Variants in TRPV6 observed in about 807,000 individuals in gnomAD.
TRPV6 encodes the protein Alu-binding protein with zinc finger domain.
In TRPV6, 39 loss-of-function variants were observed where a neutral mutation model predicts 79.0. The ratio of observed to expected loss-of-function variants is 0.49; its 90% CI spans 0.38 to 0.64. The LOEUF (loss-of-function observed/expected upper bound fraction) is 0.64. TRPV6 is among the 30% of genes least tolerant of loss of function. The probability of loss-of-function intolerance (pLI) is 0.00; values close to 1 mark genes in which losing one functional copy is unlikely to be tolerated. For synonymous variants in TRPV6, 373 were observed against 391.9 expected (o/e 0.95, Z 0.57); for missense variants, 813 against 1,011.1 (o/e 0.80, Z 2.66).
At chr7:142,875,219 C>A in intron 8 of TRPV6, 55 bp from the exon 9 acceptor site, 2 of 1,593,226 alleles carry the variant, frequency 1.3e-6, no homozygotes, top group African/African-American at 2.7e-5. Context: ...CTCTGCCCTG[C>A]ATTTCCATGG....
chr7:142,878,779 A>C (rs967394069), intron 1 of TRPV6: 5 of 152,172 alleles, frequency 3.3e-5, no homozygotes, highest in African/African-American at 9.7e-5. Context: ...CTTCCTTCTT[A>C]AAGTGGACCC....
chr7:142,872,860 C>T lies in TRPV6; in HGVS notation c.1909-382G>A, dbSNP rs115755301. Among the ~76,000 whole-genome samples, 1,399 of 152,218 alleles carry T rather than the reference C, an allele frequency of 9.2e-3. 26 individuals are homozygous for T. Among genetic ancestry groups the T allele is most frequent in the African/African-American group, 0.032 (1,345 of 41,508 alleles). On this transcript the variant is annotated intron_variant, in intron 13 of 14. Coordinates refer to ENST00000359396, the MANE Select transcript of TRPV6 (RefSeq NM_018646.6). The stretch of plus-strand genomic sequence containing the variant: ...ATTTCCCAGCTTAGTTTTTCCACTC[C>T]GTTTTCTACACAGCATAGTTAAATG...
At chr7:142,885,049 C>T (rs2116539710) in intron 1 of TRPV6, 1 of 188,630 alleles carries the variant, frequency 5.3e-6, no homozygotes, top group South Asian at 1.5e-4. Flanking sequence ...AGGCATTGTC[C>T]TCACCTGCCG....
Position 142,873,425 on chromosome 7 carries a change from C to G in TRPV6, c.1908+23G>C. On this transcript the variant is annotated intron_variant, in intron 13 of 14. Transcript: ENST00000359396. The surrounding 1 kb of genome is among the most constrained non-coding windows in gnomAD (Gnocchi z 4.8). ...AGGAAGGGGATGACTTGCCCTAACCCTCCCTGCCACCAGGGGGCTCACCTG... is the reference window on the plus strand; with the variant it reads ...AGGAAGGGGATGACTTGCCCTAACCGTCCCTGCCACCAGGGGGCTCACCTG... The G allele has an allele frequency of 1.9e-6, 3 of 1,611,232 alleles. No individual in the cohort carries two copies. The highest frequency in any genetic ancestry group is 2.5e-6 in the Non-Finnish European group (3 of 1,178,174).
intron 1 of TRPV6, chr7:142,884,893 A>AT (rs2116539259): frequency 6.6e-6 from 1 of 152,304 alleles, no homozygotes; most frequent in African/African-American, 2.4e-5. Flanking sequence ...CTTTTTTCAC[A>AT]TTTTGTCTTA....
intron 4 of TRPV6, 144 bp from the exon 5 acceptor site, chr7:142,876,981 C>CA: frequency 7.0e-7 from 1 of 1,438,348 alleles, no homozygotes; most frequent in Non-Finnish European, 9.4e-7. Context: ...GAGGAAGGGT[C>CA]GTGGGGTAAA....
chr7:142,876,738 C>G lies in TRPV6; in HGVS notation c.706+1G>C, dbSNP rs374909928. ...GCTCCCCTCCCCATCTCAGCTCTTA[C>G]CCAGGGAGTCCTGGGCCCGGATGTC... On this transcript the variant is annotated splice_donor_variant, in intron 5 of 14. Coordinates refer to ENST00000359396, the MANE Select transcript of TRPV6 (RefSeq NM_018646.6). LOFTEE classifies it high-confidence loss of function. The G allele has an allele frequency of 6.2e-7, 1 of 1,614,108 alleles. No individual in the cohort carries two copies.
intron 1 of TRPV6, chr7:142,881,589 T>C (rs771806643): frequency 2.0e-5 from 3 of 152,148 alleles, no homozygotes; most frequent in Non-Finnish European, 4.4e-5. Flanking sequence ...ACTGTAACAA[T>C]ATGAAAGGTA....
intron 8 of TRPV6, 95 bp from the exon 9 acceptor site, chr7:142,875,259 T>C (rs1269630752): frequency 6.9e-7 from 1 of 1,457,722 alleles, no homozygotes; most frequent in African/African-American, 1.4e-5. Flanking sequence ...TAGCAGATTC[T>C]TTTTAATCTG....
rs745579366 is a variant in TRPV6, at chr7:142,874,152, G to A, written c.1573-10C>T. 5 of 1,612,840 alleles carry A rather than the reference G, an allele frequency of 3.1e-6. No individual in the cohort carries two copies. In the South Asian group the frequency reaches 5.5e-5, roughly 18 times the overall value. ...GGTCGCCAAAAATCATCTAGAAGGA[G>A]CAGGAGGCAGAGAACATCTGCACAC... On this transcript the variant is annotated splice_polypyrimidine_tract_variant and intron_variant, in intron 11 of 14. Coordinates refer to ENST00000359396, the MANE Select transcript of TRPV6 (RefSeq NM_018646.6).
intron 1 of TRPV6, 26 bp from the exon 2 acceptor site, chr7:142,878,052 T>C (rs764523131): frequency 6.3e-7 from 1 of 1,584,148 alleles, no homozygotes; most frequent in East Asian, 2.2e-5. Flanking sequence ...ATAGGAAAGC[T>C]GGAAACAGTG....
In TRPV6 at chr7:142,871,590, C is replaced by G. The variant is rs891819430; in HGVS notation, c.*117G>C. On this transcript the variant is annotated 3_prime_UTR_variant, in exon 15 of 15. Coordinates refer to ENST00000359396, the MANE Select transcript of TRPV6 (RefSeq NM_018646.6). The stretch of plus-strand genomic sequence containing the variant: ...CGTACATTCCTTGGCGTTCATGCTA[C>G]TCCTCTTTCTCCCCTGGGGCCTGGG... 25 of 1,251,022 alleles carry G rather than the reference C, an allele frequency of 2.0e-5. No individual in the cohort carries two copies. The highest frequency in any genetic ancestry group is 2.4e-5 in the Admixed American group (1 of 42,164). The allele number at this position is 1,251,022 out of a possible 1,614,324, so 77.5% of individuals were successfully genotyped here.
Position 142,873,382 on chromosome 7 carries a change from C to A in TRPV6, c.1908+66G>T. 1 of 1,588,326 alleles carries A rather than the reference C, an allele frequency of 6.3e-7. No individual in the cohort carries two copies. Among genetic ancestry groups the A allele is most frequent in the South Asian group, 1.1e-5 (1 of 89,028 alleles). ...GGGGTGGAGATATCCTGTCTCTCAGCTTGGCAGGTTCCTTGGTAGGAAGGG... is the reference window on the plus strand; with the variant it reads ...GGGGTGGAGATATCCTGTCTCTCAGATTGGCAGGTTCCTTGGTAGGAAGGG... On this transcript the variant is annotated intron_variant, in intron 13 of 14. Transcript: ENST00000359396. The surrounding 1 kb of genome is among the most constrained non-coding windows in gnomAD (Gnocchi z 4.8).
At chr7:142,874,349 T>C in intron 11 of TRPV6, 142 bp downstream of exon 11, 1 of 1,276,666 alleles carries the variant, frequency 7.8e-7, no homozygotes, top group Non-Finnish European at 1.1e-6. Context: ...TTTAAAAGGA[T>C]TGTTAAAAAA....
chr7:142,882,658 GC>G (rs1795217334), intron 1 of TRPV6: 2 of 152,296 alleles, frequency 1.3e-5, no homozygotes, highest in South Asian at 4.1e-4. Context: ...TTTGGAATCG[GC>G]TGCCATCCTA....
At chr7:142,884,821 G>C (rs1362465315) in intron 1 of TRPV6, 1 of 152,210 alleles carries the variant, frequency 6.6e-6, no homozygotes, top group Non-Finnish European at 1.5e-5. Flanking sequence ...TATCCCCCCA[G>C]TGCTGGGCAA....
chr7:142,883,654 G>A (rs1187612058), intron 1 of TRPV6: 4 of 152,150 alleles, frequency 2.6e-5, no homozygotes, highest in African/African-American at 9.7e-5. Context: ...TATTTACTTA[G>A]TCATCCCATG....
Position 142,873,784 on chromosome 7 carries a change from G to A in TRPV6, c.1640-68C>T, listed in dbSNP as rs1794995558. ...AGACGACCAGCCCACCCCGGGCTCT[G>A]CGTGCATGTCCATCCTGGTCCCTTC... On this transcript the variant is annotated intron_variant, in intron 12 of 14. Transcript: ENST00000359396. This position sits in a 1 kb window ranked among gnomAD's most constrained non-coding sequence, Gnocchi z 4.8. The A allele has an allele frequency of 6.3e-7, 1 of 1,592,060 alleles. No homozygotes were observed.
chr7:142,880,309 A>G (rs1382095166), intron 1 of TRPV6: 1 of 152,046 alleles, frequency 6.6e-6, no homozygotes, highest in Non-Finnish European at 1.5e-5. Context: ...ACACACAGAC[A>G]CTCAGAAGTT....
Sources: gnomAD v4.1 joint callset for allele counts (sites outside exome capture counted in the v4.1 genomes callset) on GRCh38, gnomAD v4.1.1 for gene constraint, Gnocchi (gnomAD v3.1) non-coding constraint, MANE v1.5 for transcripts, NCBI Gene and HGNC (gene_info 2026-07-23, HGNC 2026-07-21) for gene names.